The following GXYLT2 variants were observed in gnomAD, a reference collection of about 807,000 sequenced individuals.
GXYLT2 encodes the protein glycosyltransferase 8 domain containing 4.
GXYLT2 carries 53 observed loss-of-function variants against 45.8 expected under a neutral mutation model. The ratio of observed to expected loss-of-function variants is 1.16; its 90% CI spans 0.93 to 1.46. GXYLT2 has a LOEUF of 1.46. Among genes scored for constraint, GXYLT2 ranks in the 40% most tolerant of loss-of-function variants. The pLI, the probability that GXYLT2 is intolerant of heterozygous loss-of-function variation, is 0.00. For synonymous variants in GXYLT2, 219 were observed against 214.2 expected, an observed-to-expected ratio of 1.02 and a Z score of -0.19; for missense variants, 551 against 544.4, an observed-to-expected ratio of 1.01 and a Z score of -0.12.
At chr3:72,923,178 C>G (rs1203999612) in intron 3 of GXYLT2, among the ~76,000 whole-genome samples, 1 of 151,886 alleles carries the variant, frequency 6.6e-6, no homozygotes, top group Non-Finnish European at 1.5e-5. Flanking sequence ...TCGCTTGAAC[C>G]CAGGAGGCAG....
Position 72,976,091 on chromosome 3 carries a change from C to A in GXYLT2, c.*932C>A, listed in dbSNP as rs1216343024. 4 of 151,412 alleles carry A rather than the reference C, an allele frequency of 2.6e-5. No individual in the cohort carries two copies. The highest frequency in any genetic ancestry group is 4.9e-5 in the African/African-American group (2 of 41,162). The allele number at this position is 151,412 out of a possible 1,614,324, so 9.4% of individuals were successfully genotyped here. A position where few individuals can be genotyped will look rare whatever the true frequency, so the allele number is the denominator to read the frequency against. ...GGATTACAAGTGTGTGCCACCACAC[C>A]CGGCTAATTTTTGTATTTTTAGTAG... On this transcript the variant is annotated 3_prime_UTR_variant, in exon 7 of 7. Transcript: ENST00000389617.
rs1709105285 is a variant in GXYLT2 at position 72,888,313 on chromosome 3, C to T, written c.80C>T (p.Ala27Val). The T allele has an allele frequency of 3.0e-6, 3 of 988,300 alleles. No homozygotes were observed. The highest frequency in any genetic ancestry group is 3.6e-6 in the Non-Finnish European group (3 of 834,202). The allele number at this position is 988,300 out of a possible 1,614,324, so 61.2% of individuals were successfully genotyped here. The change falls in exon 1 of 7, where the codon GCT (alanine) becomes GTT (valine). Residue 27 changes from alanine (A) to valine (V), a missense_variant. Ala to Val is a moderately conservative substitution (Grantham distance 64). Transcript: ENST00000389617. The stretch of plus-strand genomic sequence containing the variant: ...CTGCTGGCGCTGCTGTCCCTGCGCG[C>T]TGGCCGCGCTGAGCCCCCAGCGCTG... ...ALLLALLSLR[A>V]GRAEPPALPA...
intron 4 of GXYLT2, among the ~76,000 whole-genome samples, chr3:72,956,805 G>A (rs199715829): frequency 2.6e-5 from 4 of 151,664 alleles, no homozygotes; most frequent in Non-Finnish European, 2.9e-5. Flanking sequence ...CACGAGAATC[G>A]CTTGAACCCG....
chr3:72,972,747 C>T lies in GXYLT2; in HGVS notation c.1150-2230C>T, dbSNP rs1383554064. Among the ~76,000 whole-genome samples, 4 of 141,172 alleles carry T rather than the reference C, an allele frequency of 2.8e-5. No homozygotes were observed. In the South Asian group the frequency reaches 6.8e-4, roughly 24 times the overall value. The allele number at this position is 141,172 out of a possible 152,430, so 92.6% of individuals were successfully genotyped here. ...TCAGCCTGGGCGACATAGTGAGATG[C>T]GTCTCTACAAAAATTAAAAAAAAAA... On this transcript the variant is annotated intron_variant, in intron 6 of 6. Transcript: ENST00000389617.
At chr3:72,964,652 T>A (rs62249927) in intron 5 of GXYLT2, among the ~76,000 whole-genome samples, 21 of 152,040 alleles carry the variant, frequency 1.4e-4, no homozygotes, top group Non-Finnish European at 2.9e-5. Context: ...AGCCCTAAAC[T>A]ACTTGGAAAG....
At chr3:72,894,524 T>A (rs1388206348) in intron 1 of GXYLT2, among the ~76,000 whole-genome samples, 1 of 152,228 alleles carries the variant, frequency 6.6e-6, no homozygotes, top group Non-Finnish European at 1.5e-5. Flanking sequence ...AGAGACTATA[T>A]GGTAAATGTA....
rs140247621 is a variant in GXYLT2, at chr3:72,931,508, C to T, written c.600+9173C>T. Reference sequence around the variant, plus strand: ...CCTCTCAAAGTGCTAGGATTACAGGCGTGAGCCACCGCGCCCGGCCTAAGT... The same window carrying T: ...CCTCTCAAAGTGCTAGGATTACAGGTGTGAGCCACCGCGCCCGGCCTAAGT... On this transcript the variant is annotated intron_variant, in intron 3 of 6. Transcript: ENST00000389617. Among the ~76,000 whole-genome samples, 956 of 152,156 alleles carry T rather than the reference C, an allele frequency of 6.3e-3. 6 individuals carry two copies. The highest frequency in any genetic ancestry group is 0.021 in the African/African-American group (891 of 41,494).
At chr3:72,919,633 T>C (rs1443500990) in intron 2 of GXYLT2, among the ~76,000 whole-genome samples, 1 of 152,260 alleles carries the variant, frequency 6.6e-6, no homozygotes, top group Non-Finnish European at 1.5e-5. Flanking sequence ...CAGTCACCTA[T>C]AATTCCAGCT....
Position 72,900,883 on chromosome 3 carries a change from G to A in GXYLT2, c.276-7484G>A, listed in dbSNP as rs572447478. Among the ~76,000 whole-genome samples, 9 of 152,208 alleles carry A rather than the reference G, an allele frequency of 5.9e-5. No homozygotes were observed. The South Asian group carries it at 1.5e-3, about 25-fold the overall frequency. On this transcript the variant is annotated intron_variant, in intron 1 of 6. Transcript: ENST00000389617. ...AAAGTATACAATTCGGCCCAGGTAC[G>A]GTGGCTCACGCCTGTAATCCCAGCA...
chr3:72,956,208 T>G (rs962632154), intron 4 of GXYLT2, among the ~76,000 whole-genome samples: 33 of 151,958 alleles, frequency 2.2e-4, no homozygotes, highest in Middle Eastern at 3.4e-3. Context: ...GCCACTGCAC[T>G]TCACCCTAAA....
At chr3:72,961,616 C>G (rs1039020669) in intron 5 of GXYLT2, among the ~76,000 whole-genome samples, 1 of 119,548 alleles carries the variant, frequency 8.4e-6, no homozygotes, top group Non-Finnish European at 1.6e-5. Flanking sequence ...AGTCCACAAT[C>G]AATGATGATG....
At chr3:72,920,776 T>C (rs1709817484) in intron 2 of GXYLT2, among the ~76,000 whole-genome samples, 1 of 151,368 alleles carries the variant, frequency 6.6e-6, no homozygotes, top group Admixed American at 6.6e-5. Flanking sequence ...TCTAGGTTTT[T>C]CTTTACATAT....
Position 72,965,358 on chromosome 3 carries a change from C to T in GXYLT2, c.977-2189C>T, listed in dbSNP as rs1710845919. 2.0e-5 allele frequency among the ~76,000 whole-genome samples: 3 copies of T among 152,234 alleles called. 1 individual carries two copies. Among genetic ancestry groups the T allele is most frequent in the Admixed American group, 2.0e-4 (3 of 15,288 alleles). ...TAAGCAATGATTTTTTTCTGTGAGACAGGAATGCCATCAACCCAATGAACA... is the reference window on the plus strand; with the variant it reads ...TAAGCAATGATTTTTTTCTGTGAGATAGGAATGCCATCAACCCAATGAACA... On this transcript the variant is annotated intron_variant, in intron 5 of 6. Transcript: ENST00000389617.
rs545249260 is a variant in GXYLT2 at position 72,972,896 on chromosome 3, C to G, written c.1150-2081C>G. 1.0e-3 allele frequency among the ~76,000 whole-genome samples: 153 copies of G among 151,942 alleles called. 1 individual carries two copies. The highest frequency in any genetic ancestry group is 3.6e-3 in the African/African-American group (151 of 41,438). ...AGGCTACAGTGAGCTAGGATGGCCC[C>G]ACTGTACTCCAGCCAGAGCAAGACT... On this transcript the variant is annotated intron_variant, in intron 6 of 6. Transcript: ENST00000389617.
intron 1 of GXYLT2, among the ~76,000 whole-genome samples, chr3:72,902,600 G>A (rs747417092): frequency 6.6e-5 from 10 of 152,166 alleles, no homozygotes; most frequent in Non-Finnish European, 1.0e-4. Context: ...ACTTTGATAG[G>A]CCAAGGTGGG....
At chr3:72,914,599 G>A (rs939512785) in intron 2 of GXYLT2, among the ~76,000 whole-genome samples, 4 of 152,124 alleles carry the variant, frequency 2.6e-5, no homozygotes, top group South Asian at 2.1e-4. Flanking sequence ...GCCCATGTGC[G>A]TGTGTGTGAG....
At chr3:72,909,959 G>GA (rs969613984) in intron 2 of GXYLT2, among the ~76,000 whole-genome samples, 5 of 150,888 alleles carry the variant, frequency 3.3e-5, no homozygotes, top group African/African-American at 7.3e-5. Flanking sequence ...GTTTGAGTAG[G>GA]AAAAAAAAAG....
At chr3:72,899,998 C>T (rs1559725978) in intron 1 of GXYLT2, among the ~76,000 whole-genome samples, 1 of 152,276 alleles carries the variant, frequency 6.6e-6, no homozygotes, top group South Asian at 2.1e-4. Context: ...GTCTGTATGG[C>T]AGCCTCAGGT....
At chr3:72,974,934 G>T (rs1451680060) in intron 6 of GXYLT2, 43 bp from the exon 7 acceptor site, 1 of 1,373,650 alleles carries the variant, frequency 7.3e-7, no homozygotes, top group Non-Finnish European at 1.0e-6. Context: ...ATTTAAAATG[G>T]CATTTCCGTT....
Sources: allele counts gnomAD v4.1 joint callset (sites outside exome capture counted in the v4.1 genomes callset), GRCh38; gene constraint gnomAD v4.1.1; transcripts MANE v1.5; gene names NCBI Gene and HGNC (gene_info 2026-07-23, HGNC 2026-07-21).